The following UTRN variants were observed in gnomAD, a reference collection of about 807,000 sequenced individuals.
UTRN encodes dystrophin-related protein 1.
UTRN carries 283 observed loss-of-function variants against 463.9 expected under a neutral mutation model. That is an observed-to-expected ratio of 0.61 (90% CI 0.55 to 0.67). The LOEUF is 0.67. Among genes scored for constraint, UTRN ranks in the 30% least tolerant of loss-of-function variants. UTRN has a pLI of 0.00. For missense variants in UTRN, 3,922 were observed against 4,084.3 expected (o/e 0.96, Z 1.08); for synonymous variants, 1,442 against 1,431.5 (o/e 1.01, Z -0.17).
intron 41 of UTRN, among the ~76,000 whole-genome samples, 165 bp downstream of exon 41, chr6:144,523,353 A>T (rs764413929): frequency 6.6e-6 from 1 of 152,098 alleles, no homozygotes; most frequent in Non-Finnish European, 1.5e-5. Flanking sequence ...TCTGTCACCC[A>T]GGCTGGGGTG....
intron 13 of UTRN, 26 bp from the exon 14 acceptor site, chr6:144,444,255 C>T (rs781358177): frequency 2.5e-6 from 4 of 1,579,484 alleles, no homozygotes; most frequent in Non-Finnish European, 3.5e-6. Flanking sequence ...GCTGTGTTGA[C>T]AAAGGATGGT....
At chr6:144,845,536 C>T (rs73596384) in intron 73 of UTRN, among the ~76,000 whole-genome samples, 1,941 of 152,132 alleles carry the variant, frequency 0.013, 51 homozygotes, top group African/African-American at 0.044. Flanking sequence ...AGGCAAATAC[C>T]CATAGCCTTT....
intron 42 of UTRN, 110 bp from the exon 43 acceptor site, chr6:144,532,975 G>T (rs1797197989): frequency 3.8e-6 from 2 of 523,322 alleles, no homozygotes; most frequent in African/African-American, 2.0e-5. Context: ...ATCTTTCCAG[G>T]AGTTTGTTTC....
chr6:144,595,067 AG>A (rs745624245), intron 51 of UTRN, among the ~76,000 whole-genome samples: 4 of 152,190 alleles, frequency 2.6e-5, no homozygotes, highest in African/African-American at 9.7e-5. Context: ...GTACAAGTAA[AG>A]TATAATGGGA....
intron 2 of UTRN, among the ~76,000 whole-genome samples, chr6:144,389,862 G>A (rs1169719114): frequency 1.3e-5 from 2 of 152,150 alleles, no homozygotes; most frequent in African/African-American, 2.4e-5. Context: ...GCCTCCCAAA[G>A]TGCTGGGATT....
At chr6:144,459,713 A>G (rs989284832) in intron 21 of UTRN, among the ~76,000 whole-genome samples, 3 of 151,884 alleles carry the variant, frequency 2.0e-5, no homozygotes, top group African/African-American at 4.8e-5. Flanking sequence ...GCCTCAGCCT[A>G]CTGAGTAGCT....
At chr6:144,402,476 C>CT (rs1011079249) in intron 2 of UTRN, among the ~76,000 whole-genome samples, 4 of 151,866 alleles carry the variant, frequency 2.6e-5, no homozygotes, top group Admixed American at 2.0e-4. Flanking sequence ...AGTAACTTTT[C>CT]TTTTTTTTAT....
At position 144,557,249 on chromosome 6, in the gene UTRN, C is replaced by T. The variant is rs1477857295; in HGVS notation, c.7227C>T (p.Asp2409=). Residue 2409 remains aspartate, a synonymous_variant, in exon 50 of 75, where the codon GAC becomes GAT. Coordinates refer to ENST00000367545, the MANE Select transcript of UTRN (RefSeq NM_007124.3). ...QKLLEEYGSD[D]TRNVKETTEY... is the part of the protein sequence containing the mutation. ...TCCTGGAGGAATATGGGAGTGATGA[C>T]ACAAGGAATGTGAAAGAAACCACAG... 2.5e-6 allele frequency: 4 copies of T among 1,613,898 alleles called. No homozygotes were observed. The highest frequency in any genetic ancestry group is 1.7e-5 in the Admixed American group (1 of 60,006).
At chr6:144,371,434 G>A (rs1317412780) in intron 2 of UTRN, among the ~76,000 whole-genome samples, 1 of 150,762 alleles carries the variant, frequency 6.6e-6, no homozygotes, top group African/African-American at 2.4e-5. Context: ...TTTTTGAGAC[G>A]GAGTTTCACT....
At chr6:144,665,824 C>A (rs1340901019) in intron 51 of UTRN, among the ~76,000 whole-genome samples, 1 of 152,172 alleles carries the variant, frequency 6.6e-6, no homozygotes, top group South Asian at 2.1e-4. Flanking sequence ...TCTTAACCTT[C>A]TACATTATAC....
rs149411951 is a variant in UTRN at position 144,707,887 on chromosome 6, G to A, written c.7809+7644G>A. On this transcript the variant is annotated intron_variant, in intron 53 of 74. Coordinates refer to ENST00000367545, the MANE Select transcript of UTRN (RefSeq NM_007124.3). ...GTGACTTCTAATCTCAAAACTATTC[G>A]TATAGAAAATTTCAATAAGGTTCTT... is the stretch of plus-strand genomic sequence containing the variant. 5.5e-4 allele frequency among the ~76,000 whole-genome samples: 83 copies of A among 152,120 alleles called. No homozygotes were observed. The East Asian group carries it at 0.011, about 21-fold the overall frequency.
At chr6:144,795,249 A>G (rs1489516828) in intron 63 of UTRN, among the ~76,000 whole-genome samples, 3 of 152,058 alleles carry the variant, frequency 2.0e-5, no homozygotes, top group Admixed American at 2.0e-4. Flanking sequence ...TTTGTGCCAC[A>G]TTTTGTTTAT....
intron 2 of UTRN, among the ~76,000 whole-genome samples, chr6:144,384,454 C>T (rs1584537410): frequency 6.6e-6 from 1 of 152,080 alleles, no homozygotes; most frequent in Non-Finnish European, 1.5e-5. Flanking sequence ...ACAGTTTCAT[C>T]CCGAAACCAC....
chr6:144,789,634 G>T (rs1025177060), intron 62 of UTRN, among the ~76,000 whole-genome samples: 6 of 152,144 alleles, frequency 3.9e-5, no homozygotes, highest in African/African-American at 1.4e-4. Flanking sequence ...TCTAGTCTAA[G>T]ACTGCAGAGC....
intron 2 of UTRN, 29 bp from the exon 3 acceptor site, chr6:144,403,094 T>C (rs1231225815): frequency 3.7e-6 from 6 of 1,601,748 alleles, no homozygotes; most frequent in Non-Finnish European, 5.1e-6. Flanking sequence ...CTCATACTTT[T>C]TCCTTCTCTT....
chr6:144,797,742 CAGA>C (rs1777353475), intron 63 of UTRN, 79 bp from the exon 64 acceptor site: 7 of 1,427,026 alleles, frequency 4.9e-6, no homozygotes, highest in Non-Finnish European at 5.7e-6. Context: ...CACAAATTTT[CAGA>C]AGATTATGAA....
At chr6:144,836,215 T>A in intron 70 of UTRN, 86 bp from the exon 71 acceptor site, 1 of 1,582,788 alleles carries the variant, frequency 6.3e-7, no homozygotes, top group Non-Finnish European at 8.6e-7. Context: ...GGAACTAGCA[T>A]GAGCTAAATT....
chr6:144,527,846 T>C (rs1396190223), intron 41 of UTRN, among the ~76,000 whole-genome samples: 1 of 152,182 alleles, frequency 6.6e-6, no homozygotes, highest in African/African-American at 2.4e-5. Context: ...TTGTTTTATT[T>C]ATGCTGTTTA....
At chr6:144,829,752 T>A (rs1780507045) in intron 69 of UTRN, among the ~76,000 whole-genome samples, 2 of 151,836 alleles carry the variant, frequency 1.3e-5, no homozygotes, top group Non-Finnish European at 2.9e-5. Flanking sequence ...TTAAAATACT[T>A]AAAGTGCTCA....
Sources: gnomAD v4.1 joint callset for allele counts (sites outside exome capture counted in the v4.1 genomes callset) on GRCh38, gnomAD v4.1.1 for gene constraint, MANE v1.5 for transcripts, NCBI Gene and HGNC (gene_info 2026-07-23, HGNC 2026-07-21) for gene names.